The following PLXNA4 variants were observed in gnomAD, a reference collection of about 807,000 sequenced individuals.
The protein encoded by PLXNA4 is plexin A4, also known as plexin-A4.
In PLXNA4, 44 loss-of-function variants were observed where a neutral mutation model predicts 191.8. The observed-to-expected ratio is 0.23, with a 90% CI of 0.18 to 0.29. The LOEUF is 0.29. Among genes scored for constraint, PLXNA4 ranks in the 10% least tolerant of loss-of-function variants. PLXNA4 has a pLI of 1.00. For missense variants in PLXNA4, 1,800 were observed against 2,488.8 expected (o/e 0.72, Z 5.89); for synonymous variants, 1,082 against 1,009.5 (o/e 1.07, Z -1.36).
intron 2 of PLXNA4, among the ~76,000 whole-genome samples, chr7:132,496,465 A>G (rs1798015489): frequency 6.6e-6 from 1 of 152,128 alleles, no homozygotes; most frequent in Non-Finnish European, 1.5e-5. Context: ...GCAGTGGCAC[A>G]ATCTTGGCTC....
At chr7:132,419,226 C>A (rs1420238038) in intron 3 of PLXNA4, among the ~76,000 whole-genome samples, 2 of 152,304 alleles carry the variant, frequency 1.3e-5, no homozygotes, top group Admixed American at 6.5e-5. Context: ...GGCCAGGCAT[C>A]GTGTCCTGGG....
chr7:132,488,252 T>C (rs1196179210), intron 3 of PLXNA4, among the ~76,000 whole-genome samples: 1 of 152,198 alleles, frequency 6.6e-6, no homozygotes. Flanking sequence ...CCAACAGAAA[T>C]GATTGCTGGG....
intron 1 of PLXNA4, among the ~76,000 whole-genome samples, chr7:132,517,968 G>A (rs1020463765): frequency 7.2e-5 from 11 of 152,208 alleles, no homozygotes; most frequent in African/African-American, 2.7e-4. Flanking sequence ...AGCGTCTTCA[G>A]TAAGGTCAGT....
At chr7:132,179,056 ACG>A (rs766662525) in intron 20 of PLXNA4, among the ~76,000 whole-genome samples, 6,110 of 53,832 alleles carry the variant, frequency 0.11, 836 homozygotes, top group African/African-American at 0.25. Flanking sequence ...ACACACACAC[ACG>A]GCCTCCAGCA....
At chr7:132,351,836 C>CACAGAGTTCCAG (rs1803501104) in intron 3 of PLXNA4, among the ~76,000 whole-genome samples, 3 of 151,992 alleles carry the variant, frequency 2.0e-5, no homozygotes, top group Admixed American at 2.0e-4. Flanking sequence ...TTGGTCATTC[C>CACAGAGTTCCAG]ACAGAGTTCC....
chr7:132,588,024 T>A (rs1802534035), intron 2 of PLXNA4, among the ~76,000 whole-genome samples: 2 of 152,032 alleles, frequency 1.3e-5, no homozygotes, highest in Non-Finnish European at 2.9e-5. Context: ...TCTCTCCCTT[T>A]CCTTGGGGGA....
At chr7:132,614,368 G>C (rs1803110250) in intron 2 of PLXNA4, among the ~76,000 whole-genome samples, 1 of 152,240 alleles carries the variant, frequency 6.6e-6, no homozygotes, top group Non-Finnish European at 1.5e-5. Flanking sequence ...GCGGCCAGAG[G>C]CCCTCATACT....
intron 3 of PLXNA4, among the ~76,000 whole-genome samples, chr7:132,367,074 G>A (rs1238256707): frequency 6.6e-6 from 1 of 152,170 alleles, no homozygotes; most frequent in Non-Finnish European, 1.5e-5. Context: ...CCTAGCTGGT[G>A]AGAGCTTCAA....
chr7:132,333,021 T>C (rs138198022), intron 3 of PLXNA4, among the ~76,000 whole-genome samples: 23 of 152,320 alleles, frequency 1.5e-4, no homozygotes, highest in African/African-American at 5.3e-4. Context: ...TAAAATAAAA[T>C]GCTGTTTACA....
At chr7:132,513,660 T>TTTTGTTTTG (rs1798825515) in intron 1 of PLXNA4, among the ~76,000 whole-genome samples, 12 of 150,564 alleles carry the variant, frequency 8.0e-5, no homozygotes, top group African/African-American at 2.9e-4. Flanking sequence ...TTTGTTTTAG[T>TTTTGTTTTG]TTTTGTTTTG....
intron 1 of PLXNA4, among the ~76,000 whole-genome samples, chr7:132,520,878 G>A (rs1799147293): frequency 1.3e-5 from 2 of 151,702 alleles, no homozygotes; most frequent in Non-Finnish European, 2.9e-5. Context: ...TGGGGGAGCA[G>A]GCTATTTGGG....
At chr7:132,190,522 G>A (rs1173918431) in intron 14 of PLXNA4, among the ~76,000 whole-genome samples, 2 of 152,210 alleles carry the variant, frequency 1.3e-5, no homozygotes, top group African/African-American at 4.8e-5. Flanking sequence ...AGGAGGCAGG[G>A]AGAGGTCCAG....
intron 3 of PLXNA4, among the ~76,000 whole-genome samples, chr7:132,394,220 C>T (rs1415735873): frequency 6.6e-6 from 1 of 152,146 alleles, no homozygotes; most frequent in Non-Finnish European, 1.5e-5. Flanking sequence ...GAAGCGGGGC[C>T]CAGCCAGTAG....
chr7:132,626,276 T>C (rs917796949), intron 2 of PLXNA4, among the ~76,000 whole-genome samples: 1 of 152,248 alleles, frequency 6.6e-6, no homozygotes, highest in Admixed American at 6.5e-5. Context: ...GTGGACACTG[T>C]CATGCACAGC....
chr7:132,172,952 C>T (rs78545527), intron 21 of PLXNA4, among the ~76,000 whole-genome samples: 28 of 152,174 alleles, frequency 1.8e-4, no homozygotes, highest in Non-Finnish European at 3.7e-4. Context: ...CTACAACCCC[C>T]GTTTCCACCT....
chr7:132,546,732 C>T (rs1563164012), intron 1 of PLXNA4, among the ~76,000 whole-genome samples: 1 of 152,204 alleles, frequency 6.6e-6, no homozygotes, highest in African/African-American at 2.4e-5. Flanking sequence ...TCAGATCCAC[C>T]TTAAGCCTCC....
At chr7:132,247,027 C>T (rs1308234959) in intron 4 of PLXNA4, among the ~76,000 whole-genome samples, 1 of 152,172 alleles carries the variant, frequency 6.6e-6, no homozygotes, top group African/African-American at 2.4e-5. Context: ...TCCTCCATGG[C>T]AGCTGGAGGA....
chr7:132,182,187 T>C lies in PLXNA4; in HGVS notation c.3162A>G (p.Gly1054=), dbSNP rs1246813447. 1 of 1,614,092 alleles carries C rather than the reference T, an allele frequency of 6.2e-7. No individual in the cohort carries two copies. ...RIEPEWSIVS[G]NTPIAVWGTH... ...TCCCCCATACGGCGATGGGTGTGTT[T>C]CCACTGAGCAGGAAGAAAGAAGGAG... The change falls in exon 17 of 32, where the codon GGA becomes GGG. Residue 1054 remains glycine, a synonymous_variant. Coordinates refer to ENST00000321063, the MANE Select transcript of PLXNA4 (RefSeq NM_020911.2).
At chr7:132,132,272 A>T (rs765077084) in intron 31 of PLXNA4, among the ~76,000 whole-genome samples, 41 of 152,348 alleles carry the variant, frequency 2.7e-4, no homozygotes, top group Admixed American at 5.9e-4. Flanking sequence ...TAGGCAAGAA[A>T]ACTCCCAAAG....
Sources: allele counts gnomAD v4.1 joint callset (sites outside exome capture counted in the v4.1 genomes callset), GRCh38; gene constraint gnomAD v4.1.1; transcripts MANE v1.5; gene names NCBI Gene and HGNC (gene_info 2026-07-23, HGNC 2026-07-21).